The following NPY2R variants were observed in gnomAD, a reference collection of about 807,000 sequenced individuals.
The protein encoded by NPY2R is neuropeptide Y receptor Y2.
NPY2R carries 17 observed loss-of-function variants against 22.3 expected under a neutral mutation model. The observed-to-expected ratio is 0.76, with a 90% CI of 0.52 to 1.14. The LOEUF (loss-of-function observed/expected upper bound fraction) is 1.14. NPY2R is among the 50% of genes most tolerant of loss of function. The pLI, the probability that NPY2R is intolerant of heterozygous loss-of-function variation, is 0.00. For missense variants in NPY2R, 424 were observed against 467.9 expected (o/e 0.91, Z 0.87); for synonymous variants, 209 against 183.4 (o/e 1.14, Z -1.13).
the NPY2R span, among the ~76,000 whole-genome samples, chr4:155,203,253 C>G: frequency 6.6e-6 from 1 of 152,232 alleles, no homozygotes; most frequent in South Asian, 2.1e-4. Flanking sequence ...TGAATGACTA[C>G]TTGCTTTTCT....
chr4:155,184,297 A>G, the NPY2R span, among the ~76,000 whole-genome samples: 1 of 152,124 alleles, frequency 6.6e-6, no homozygotes, highest in South Asian at 2.1e-4. Flanking sequence ...TACTTTCCCA[A>G]GTTGCTTTTA....
chr4:155,204,399 T>C (rs1397141579), upstream of NPY2R, among the ~76,000 whole-genome samples: 1 of 152,210 alleles, frequency 6.6e-6, no homozygotes, highest in Non-Finnish European at 1.5e-5. Context: ...TATTTGCCTT[T>C]TCATGGAAGA....
the NPY2R span, among the ~76,000 whole-genome samples, chr4:155,186,392 C>A: frequency 6.6e-6 from 1 of 152,094 alleles, no homozygotes; most frequent in African/African-American, 2.4e-5. Flanking sequence ...AAAACAAACA[C>A]AAATCTGAAA....
chr4:155,178,399 C>T, the NPY2R span, among the ~76,000 whole-genome samples: 1 of 152,136 alleles, frequency 6.6e-6, no homozygotes, highest in African/African-American at 2.4e-5. Flanking sequence ...TTTATTGAGA[C>T]TCATTTTACT....
At chr4:155,193,654 CAG>C in the NPY2R span, among the ~76,000 whole-genome samples, 1 of 151,870 alleles carries the variant, frequency 6.6e-6, no homozygotes, top group South Asian at 2.1e-4. Flanking sequence ...ACTGAAGGAA[CAG>C]AGAGTAGGAC....
the NPY2R span, among the ~76,000 whole-genome samples, chr4:155,191,701 T>G: frequency 0.42 from 63,564 of 151,642 alleles, 13,773 homozygotes; most frequent in East Asian, 0.69. Flanking sequence ...AGTTTTCCTA[T>G]GGAACATTAA....
chr4:155,174,932 T>C, the NPY2R span, among the ~76,000 whole-genome samples: 1 of 152,132 alleles, frequency 6.6e-6, no homozygotes, highest in Admixed American at 6.6e-5. Context: ...TAAAATCGCA[T>C]TTAATAAAAC....
the NPY2R span, among the ~76,000 whole-genome samples, chr4:155,184,632 A>G: frequency 6.6e-6 from 1 of 152,078 alleles, no homozygotes; most frequent in African/African-American, 2.4e-5. Context: ...ATTTTCTTCC[A>G]TTGGCTTTTC....
chr4:155,205,806 T>C (rs1173823092), upstream of NPY2R, among the ~76,000 whole-genome samples: 1 of 104,464 alleles, frequency 9.6e-6, no homozygotes, highest in Non-Finnish European at 1.9e-5. Context: ...GTCAGGCTGC[T>C]ATCTATCTAT....
At chr4:155,186,379 G>T in the NPY2R span, among the ~76,000 whole-genome samples, 3 of 152,102 alleles carry the variant, frequency 2.0e-5, no homozygotes, top group Admixed American at 6.6e-5. Context: ...GTCAACTAAT[G>T]TGAAAACAAA....
chr4:155,196,914 A>G, the NPY2R span, among the ~76,000 whole-genome samples: 1 of 151,928 alleles, frequency 6.6e-6, no homozygotes, highest in Non-Finnish European at 1.5e-5. Context: ...TAAAATTCCT[A>G]TTTATTTTAA....
the NPY2R span, among the ~76,000 whole-genome samples, chr4:155,177,194 C>T: frequency 5.9e-5 from 9 of 152,162 alleles, no homozygotes; most frequent in African/African-American, 1.7e-4. Context: ...CGTGTTCTCA[C>T]CTAACTGTCA....
chr4:155,174,484 A>ATTTTTT, the NPY2R span, among the ~76,000 whole-genome samples: 1,938 of 106,054 alleles, frequency 0.018, 89 homozygotes, highest in Middle Eastern at 0.083. Context: ...ATATATATAT[A>ATTTTTT]TTTTTTTTTT....
the NPY2R span, among the ~76,000 whole-genome samples, chr4:155,180,847 A>G: frequency 2.0e-5 from 3 of 151,422 alleles, no homozygotes; most frequent in Non-Finnish European, 2.9e-5. Context: ...ATTTTAAAAC[A>G]TATTTATTTA....
rs1212644008 is a variant in NPY2R at position 155,208,909 on chromosome 4, C to G, written c.-209C>G. 1 of 152,174 alleles carries G rather than the reference C, an allele frequency of 6.6e-6. No homozygotes were observed. The highest frequency in any genetic ancestry group is 1.5e-5 in the Non-Finnish European group (1 of 68,078). 9.4% of individuals were successfully genotyped at this position (152,174 alleles called of 1,614,324 possible). A position where few individuals can be genotyped will look rare whatever the true frequency, so the allele number is the denominator to read the frequency against. On this transcript the variant is annotated 5_prime_UTR_variant, in exon 1 of 2. Transcript: ENST00000329476. This position sits in a 1 kb window ranked among gnomAD's most constrained non-coding sequence, Gnocchi z 5.6. Reference sequence around the variant, plus strand: ...CCGCTCTGACTGCTCCGGCTGCCCGCCCGCGCGGCGCGGGCTGTCCTGGAC... The same window carrying G: ...CCGCTCTGACTGCTCCGGCTGCCCGGCCGCGCGGCGCGGGCTGTCCTGGAC...
At chr4:155,180,051 CCA>C in the NPY2R span, among the ~76,000 whole-genome samples, 1 of 149,196 alleles carries the variant, frequency 6.7e-6, no homozygotes, top group Admixed American at 6.7e-5. Flanking sequence ...AGGGGTGATT[CCA>C]GACACTGTTA....
upstream of NPY2R, among the ~76,000 whole-genome samples, chr4:155,204,148 T>C (rs1729238609): frequency 6.6e-6 from 1 of 151,824 alleles, no homozygotes; most frequent in Non-Finnish European, 1.5e-5. Context: ...CAGGTTGATA[T>C]GGCTTACAAG....
rs570148100 is a variant in NPY2R, at chr4:155,215,807, C to T, written c.*722C>T. 5 of 167,148 alleles carry T rather than the reference C, an allele frequency of 3.0e-5. No individual in the cohort carries two copies. Among genetic ancestry groups the T allele is most frequent in the South Asian group, 2.1e-4 (1 of 4,838 alleles). 10.4% of individuals were successfully genotyped at this position (167,148 alleles called of 1,614,324 possible). On this transcript the variant is annotated 3_prime_UTR_variant, in exon 2 of 2. Coordinates refer to ENST00000329476, the MANE Select transcript of NPY2R (RefSeq NM_000910.4). ...TTCTCAGAATTACAGGAAATGCAAA[C>T]CATCATTTAATTTCTAATTTCAAGT... is the stretch of plus-strand genomic sequence containing the variant.
At chr4:155,177,610 A>G in the NPY2R span, among the ~76,000 whole-genome samples, 3 of 152,022 alleles carry the variant, frequency 2.0e-5, no homozygotes, top group East Asian at 1.9e-4. Flanking sequence ...CCCTGCTCCC[A>G]TGGCTCCACT....
Sources: allele counts gnomAD v4.1 joint callset (sites outside exome capture counted in the v4.1 genomes callset), GRCh38; gene constraint gnomAD v4.1.1; non-coding constraint Gnocchi (gnomAD v3.1); transcripts MANE v1.5; gene names NCBI Gene and HGNC (gene_info 2026-07-23, HGNC 2026-07-21).